The following SP140L variants were observed in gnomAD, a reference collection of about 807,000 sequenced individuals.
SP140L encodes nuclear body protein SP140-like protein.
SP140L carries 64 observed loss-of-function variants against 84.3 expected under a neutral mutation model. The observed-to-expected ratio is 0.76, with a 90% CI of 0.62 to 0.94. SP140L has a LOEUF of 0.94. Among genes scored for constraint, SP140L ranks in the 40% least tolerant of loss-of-function variants. The probability of loss-of-function intolerance (pLI) is 0.00; values close to 1 mark genes in which losing one functional copy is unlikely to be tolerated. For missense variants in SP140L, 628 were observed against 692.5 expected (o/e 0.91, Z 1.05); for synonymous variants, 242 against 236.9 (o/e 1.02, Z -0.20).
intron 2 of SP140L, among the ~76,000 whole-genome samples, chr2:230,331,885 CA>C (rs1179394785): frequency 6.6e-6 from 1 of 152,148 alleles, no homozygotes; most frequent in Non-Finnish European, 1.5e-5. Context: ...ATTACATCTT[CA>C]AAATAGCAGC....
chr2:230,392,772 A>T lies in SP140L; in HGVS notation c.1107+543A>T, dbSNP rs185136081. ...TCTGAGATTGGAAATGACATTTAAA[A>T]CAGTATTTTAGACAGCAATGGGGCT... is the stretch of plus-strand genomic sequence containing the variant. On this transcript the variant is annotated intron_variant, in intron 12 of 18. Coordinates refer to ENST00000415673, the MANE Select transcript of SP140L (RefSeq NM_138402.6). Among the ~76,000 whole-genome samples the T allele has an allele frequency of 3.9e-5, 6 of 152,264 alleles. No homozygotes were observed. In the East Asian group the frequency reaches 9.6e-4, roughly 24 times the overall value.
At chr2:230,393,600 A>G in intron 13 of SP140L, 139 bp downstream of exon 13, 1 of 1,046,204 alleles carries the variant, frequency 9.6e-7, no homozygotes, top group Non-Finnish European at 1.3e-6. Flanking sequence ...AAATTTTTTT[A>G]ATATACACTT....
chr2:230,399,322 T>A lies in SP140L; in HGVS notation c.1198-805T>A, dbSNP rs940832970. ...GCTAAAGGTCTCACATATTGAGACT[T>A]GTGAGAAATGGAGAATTCATTGATT... On this transcript the variant is annotated intron_variant, in intron 14 of 18. Transcript: ENST00000415673. Among the ~76,000 whole-genome samples the A allele has an allele frequency of 8.5e-5, 13 of 152,390 alleles. No individual in the cohort carries two copies. The South Asian group carries it at 2.5e-3, about 29-fold the overall frequency.
At chr2:230,381,676 A>G (rs1035655868) in intron 7 of SP140L, among the ~76,000 whole-genome samples, 6 of 151,816 alleles carry the variant, frequency 4.0e-5, no homozygotes, top group Admixed American at 3.3e-4. Flanking sequence ...AACAACCAAA[A>G]CAAGCCTGGG....
intron 5 of SP140L, among the ~76,000 whole-genome samples, chr2:230,369,948 AT>A (rs2061003492): frequency 6.6e-6 from 1 of 151,078 alleles, no homozygotes; most frequent in Admixed American, 6.6e-5. Context: ...TAATTTTTGT[AT>A]TTTTAGTAGA....
chr2:230,337,119 A>C, intron 2 of SP140L, among the ~76,000 whole-genome samples: 1 of 152,144 alleles, frequency 6.6e-6, no homozygotes. Flanking sequence ...AACAGTGTAA[A>C]AGTGTTCCTT....
intron 5 of SP140L, among the ~76,000 whole-genome samples, chr2:230,369,201 G>A (rs1465564986): frequency 1.3e-5 from 2 of 152,192 alleles, no homozygotes; most frequent in African/African-American, 4.8e-5. Context: ...TAATCAGTGG[G>A]CAGGTCTATG....
At chr2:230,358,876 A>C (rs1329581056) in intron 3 of SP140L, 88 bp from the exon 4 acceptor site, 1 of 1,089,324 alleles carries the variant, frequency 9.2e-7, no homozygotes, top group African/African-American at 1.6e-5. Context: ...AGAGAAATTG[A>C]AATTCAGTAA....
intron 10 of SP140L, among the ~76,000 whole-genome samples, chr2:230,388,968 A>G (rs546380279): frequency 6.6e-6 from 1 of 152,332 alleles, no homozygotes; most frequent in South Asian, 2.1e-4. Context: ...GCTACACAGA[A>G]AGCCACATGT....
chr2:230,394,012 A>G (rs2061941168), intron 13 of SP140L, among the ~76,000 whole-genome samples: 1 of 152,224 alleles, frequency 6.6e-6, no homozygotes, highest in Non-Finnish European at 1.5e-5. Context: ...AAAAAAATGT[A>G]CACACAGATA....
chr2:230,362,889 A>C (rs910617246), intron 5 of SP140L, among the ~76,000 whole-genome samples: 33 of 129,850 alleles, frequency 2.5e-4, no homozygotes, highest in Non-Finnish European at 1.6e-5. Flanking sequence ...AAGATACAGA[A>C]AAAAAAAAAA....
intron 2 of SP140L, among the ~76,000 whole-genome samples, chr2:230,337,858 C>G (rs2059923378): frequency 5.3e-5 from 8 of 152,080 alleles, no homozygotes. Flanking sequence ...ATCTATATCT[C>G]CGTTTTGGTA....
At chr2:230,364,932 G>T (rs143283307) in intron 5 of SP140L, among the ~76,000 whole-genome samples, 1 of 151,962 alleles carries the variant, frequency 6.6e-6, no homozygotes, top group Admixed American at 6.5e-5. Context: ...TTAATGCAAC[G>T]TATGACCTTT....
At chr2:230,393,358 G>C in intron 12 of SP140L, 56 bp from the exon 13 acceptor site, 1 of 1,531,242 alleles carries the variant, frequency 6.5e-7, no homozygotes. Context: ...GGAAATGCCA[G>C]ACTCACAAAA....
At chr2:230,327,954 C>G (rs1014039215) in intron 1 of SP140L, among the ~76,000 whole-genome samples, 5 of 152,188 alleles carry the variant, frequency 3.3e-5, no homozygotes, top group African/African-American at 1.2e-4. Flanking sequence ...ATTTTTACTT[C>G]AATTTCCTGT....
At position 230,397,420 on chromosome 2, in the gene SP140L, C is replaced by T. The variant is rs556345643; in HGVS notation, c.1197+622C>T. Among the ~76,000 whole-genome samples the T allele has an allele frequency of 9.9e-5, 15 of 152,256 alleles. No homozygotes were observed. In the South Asian group the frequency reaches 1.0e-3, roughly 11 times the overall value. The stretch of plus-strand genomic sequence containing the variant: ...GAGCTGGTTAGGACTGAAACCATCA[C>T]GACCTAGCAAATCCTGAGGCATTTT... On this transcript the variant is annotated intron_variant, in intron 14 of 18. Transcript: ENST00000415673.
rs1195236761 is a variant in SP140L, at chr2:230,385,175, T to C, written c.704-49T>C. ...CTTGCGTTTGGTCCAGCCTGTGAGCTGTTGTTCTGCCCAGTTCTATTAATA... is the reference window on the plus strand; with the variant it reads ...CTTGCGTTTGGTCCAGCCTGTGAGCCGTTGTTCTGCCCAGTTCTATTAATA... On this transcript the variant is annotated intron_variant, in intron 8 of 18. Coordinates refer to ENST00000415673, the MANE Select transcript of SP140L (RefSeq NM_138402.6). The C allele has an allele frequency of 3.8e-6, 6 of 1,591,480 alleles. No individual in the cohort carries two copies. The Admixed American group carries it at 6.8e-5, about 18-fold the overall frequency.
intron 13 of SP140L, among the ~76,000 whole-genome samples, chr2:230,395,395 C>G (rs931387871): frequency 6.6e-6 from 1 of 151,790 alleles, no homozygotes; most frequent in African/African-American, 2.4e-5. Context: ...CTGGACACAT[C>G]GTGAGATATC....
intron 2 of SP140L, among the ~76,000 whole-genome samples, chr2:230,331,853 CT>C (rs2059733489): frequency 6.6e-6 from 1 of 152,108 alleles, no homozygotes; most frequent in African/African-American, 2.4e-5. Context: ...CTATTATTGT[CT>C]TGTTTTTTTC....
Sources: gnomAD v4.1 joint callset for allele counts (sites outside exome capture counted in the v4.1 genomes callset) on GRCh38, gnomAD v4.1.1 for gene constraint, MANE v1.5 for transcripts, NCBI Gene and HGNC (gene_info 2026-07-23, HGNC 2026-07-21) for gene names.